NR2F1-AS1: variants seen among roughly 807,000 people sequenced by gnomAD.
NR2F1-AS1 encodes the protein NR2F1 antisense RNA 1.
intron 1 of NR2F1-AS1, among the ~76,000 whole-genome samples, chr5:93,576,807 A>G (rs1012463963): frequency 6.6e-6 from 1 of 152,238 alleles, no homozygotes; most frequent in African/African-American, 2.4e-5. Flanking sequence ...TATGTAGAGC[A>G]GTTGATTGTA....
chr5:93,463,469 G>A (rs1380357761), intron 4 of NR2F1-AS1, among the ~76,000 whole-genome samples: 3 of 152,196 alleles, frequency 2.0e-5, no homozygotes, highest in African/African-American at 4.8e-5. Flanking sequence ...TGGGGTTGAA[G>A]CCCCCACAGA....
At chr5:93,471,381 T>C (rs1185331056) in intron 4 of NR2F1-AS1, among the ~76,000 whole-genome samples, 1 of 151,896 alleles carries the variant, frequency 6.6e-6, no homozygotes, top group Non-Finnish European at 1.5e-5. Flanking sequence ...CAAAGTTTTA[T>C]GTATAAAGAC....
At chr5:93,515,841 T>C (rs1751390746) in intron 4 of NR2F1-AS1, among the ~76,000 whole-genome samples, 2 of 151,954 alleles carry the variant, frequency 1.3e-5, no homozygotes, top group African/African-American at 4.8e-5. Context: ...TATATCATTT[T>C]TACTTATTTA....
At chr5:93,444,568 C>T (rs1561440214) in intron 4 of NR2F1-AS1, among the ~76,000 whole-genome samples, 3 of 152,168 alleles carry the variant, frequency 2.0e-5, no homozygotes, top group Admixed American at 6.5e-5. Flanking sequence ...TAGAGACCTA[C>T]AAAGAGATGT....
intron 4 of NR2F1-AS1, among the ~76,000 whole-genome samples, chr5:93,519,369 C>T (rs908679587): frequency 1.3e-5 from 2 of 151,876 alleles, no homozygotes; most frequent in Non-Finnish European, 2.9e-5. Context: ...TTAAGTAAAG[C>T]AAATGTATGA....
intron 1 of NR2F1-AS1, among the ~76,000 whole-genome samples, chr5:93,578,033 T>C (rs1752934345): frequency 6.6e-6 from 1 of 152,172 alleles, no homozygotes; most frequent in Admixed American, 6.5e-5. Context: ...ATGAATGACT[T>C]TCGGGAGACC....
At chr5:93,520,510 G>C (rs1751480164) in intron 4 of NR2F1-AS1, among the ~76,000 whole-genome samples, 1 of 152,060 alleles carries the variant, frequency 6.6e-6, no homozygotes, top group Non-Finnish European at 1.5e-5. Flanking sequence ...ACAAGAGGAA[G>C]TATACAGGTT....
chr5:93,450,939 A>AC (rs34009120), intron 4 of NR2F1-AS1, among the ~76,000 whole-genome samples: 2 of 148,326 alleles, frequency 1.3e-5, no homozygotes, highest in South Asian at 4.2e-4. Flanking sequence ...AAAAAAAAAA[A>AC]CAGAGAGAGA....
At chr5:93,513,887 C>A (rs1484955423) in intron 4 of NR2F1-AS1, among the ~76,000 whole-genome samples, 1 of 152,090 alleles carries the variant, frequency 6.6e-6, no homozygotes, top group African/African-American at 2.4e-5. Context: ...TCTTACTAAA[C>A]ATAAGTACTA....
At chr5:93,422,942 C>A (rs758792627) in intron 4 of NR2F1-AS1, among the ~76,000 whole-genome samples, 3 of 152,158 alleles carry the variant, frequency 2.0e-5, no homozygotes, top group East Asian at 3.9e-4. Context: ...CCTACCCCAG[C>A]GGCTGGCAAA....
intron 4 of NR2F1-AS1, among the ~76,000 whole-genome samples, chr5:93,532,076 T>C (rs139504715): frequency 6.6e-5 from 10 of 152,246 alleles, no homozygotes; most frequent in African/African-American, 1.9e-4. Flanking sequence ...CTAATCAAAA[T>C]ATCTTACTAG....
chr5:93,474,349 C>T (rs1750435595), intron 4 of NR2F1-AS1, among the ~76,000 whole-genome samples: 1 of 152,154 alleles, frequency 6.6e-6, no homozygotes, highest in South Asian at 2.1e-4. Context: ...ATTCCCAGAA[C>T]CAAGTATACT....
chr5:93,585,057 C>A, upstream of NR2F1-AS1: 2 of 1,038,628 alleles, frequency 1.9e-6, no homozygotes, highest in East Asian at 8.7e-5. Context: ...GCGAGATCCG[C>A]AGGACGACGT....
At chr5:93,506,870 CAGGCTCATTTACTAATAGAGATGAA>C (rs1179713068) in intron 4 of NR2F1-AS1, among the ~76,000 whole-genome samples, 3 of 152,074 alleles carry the variant, frequency 2.0e-5, no homozygotes, top group African/African-American at 4.8e-5. Flanking sequence ...AGACTATAGG[CAGGCTCATTTACTAATAGAGATGAA>C]AATATTCAAC....
At position 93,431,132 on chromosome 5, in the gene NR2F1-AS1, C is replaced by A. The variant is rs144951578; in HGVS notation, n.639-35590G>T. ...GTTACACATTTTTCTGACAGCCATA[C>A]AGGCTATAAACTACCCATAAAAATT... On this transcript the variant is annotated intron_variant and non_coding_transcript_variant, in intron 4 of 5. Transcript: ENST00000660523. Among the ~76,000 whole-genome samples, 600 of 152,226 alleles carry A rather than the reference C, an allele frequency of 3.9e-3. 8 individuals carry two copies. Among genetic ancestry groups the A allele is most frequent in the Non-Finnish European group, 3.4e-3 (228 of 68,012 alleles).
At chr5:93,534,161 T>C (rs964085013) in intron 4 of NR2F1-AS1, among the ~76,000 whole-genome samples, 5 of 152,204 alleles carry the variant, frequency 3.3e-5, no homozygotes, top group African/African-American at 1.2e-4. Flanking sequence ...AGAATTATAA[T>C]ATCAAATACA....
intron 4 of NR2F1-AS1, among the ~76,000 whole-genome samples, chr5:93,534,144 A>G (rs1242291835): frequency 6.6e-6 from 1 of 152,200 alleles, no homozygotes; most frequent in Non-Finnish European, 1.5e-5. Context: ...ATAACATGTT[A>G]TTACTTAGAA....
chr5:93,561,307 T>C (rs1752482492), intron 2 of NR2F1-AS1, among the ~76,000 whole-genome samples: 1 of 152,036 alleles, frequency 6.6e-6, no homozygotes, highest in Admixed American at 6.6e-5. Context: ...TGTTGGAAAA[T>C]ATATCAACAA....
intron 4 of NR2F1-AS1, among the ~76,000 whole-genome samples, chr5:93,548,643 A>C (rs994435951): frequency 6.6e-6 from 1 of 152,076 alleles, no homozygotes; most frequent in Non-Finnish European, 1.5e-5. Context: ...TGGGTGGATC[A>C]TTTGAGATCA....
Sources: gnomAD v4.1 joint callset for allele counts (sites outside exome capture counted in the v4.1 genomes callset) on GRCh38, gnomAD v4.1.1 for gene constraint, MANE v1.5 for transcripts, NCBI Gene and HGNC (gene_info 2026-07-23, HGNC 2026-07-21) for gene names.